Variants in COQ2 observed in about 807,000 individuals in gnomAD.
The protein encoded by COQ2 is coenzyme Q2, polyprenyltransferase.
COQ2 carries 25 observed loss-of-function variants against 35.7 expected under a neutral mutation model. That is an observed-to-expected ratio of 0.70 (90% CI 0.51 to 0.98). The LOEUF (loss-of-function observed/expected upper bound fraction) is 0.98, where lower values mean the gene tolerates loss of function less well. Among genes scored for constraint, COQ2 ranks in the 50% least tolerant of loss-of-function variants. The pLI, the probability that COQ2 is intolerant of heterozygous loss-of-function variation, is 0.00. For synonymous variants in COQ2, 206 were observed against 186.2 expected (o/e 1.11, Z -0.86); for missense variants, 488 against 473.5 (o/e 1.03, Z -0.28).
At chr4:83,283,302 C>G in intron 1 of COQ2, 1 of 985,424 alleles carries the variant, frequency 1.0e-6, no homozygotes, top group Non-Finnish European at 1.2e-6. Flanking sequence ...ATGTCATCAT[C>G]TAGATTGGCT....
intron 3 of COQ2, 115 bp downstream of exon 3, chr4:83,273,381 G>A: frequency 9.3e-7 from 1 of 1,072,836 alleles, no homozygotes; most frequent in Non-Finnish European, 1.3e-6. Flanking sequence ...CTAACTTACA[G>A]ATGCTTAATA....
intron 1 of COQ2, chr4:83,284,287 C>T: frequency 8.1e-6 from 8 of 985,300 alleles, no homozygotes; most frequent in South Asian, 4.7e-5. Flanking sequence ...AGGTGACTCG[C>T]CCCAGGGCGC....
intron 1 of COQ2, chr4:83,283,624 T>C (rs1735380128): frequency 1.0e-6 from 1 of 985,332 alleles, no homozygotes; most frequent in Non-Finnish European, 1.2e-6. Flanking sequence ...CATATTTTCC[T>C]AGCTCACCAA....
rs150559207 is a variant in COQ2, at chr4:83,270,067, G to C, written c.629-74C>G. 7.8e-6 allele frequency: 12 copies of C among 1,535,004 alleles called. No homozygotes were observed. The African/African-American group carries it at 1.7e-4, about 21-fold the overall frequency. ...AATCCTAAAGGGAAGGAGTGGCATC[G>C]GAGTGTGTTCAGTGCTCCTGGGTAT... On this transcript the variant is annotated intron_variant, in intron 4 of 6. Coordinates refer to ENST00000647002, the MANE Select transcript of COQ2 (RefSeq NM_001358921.2).
At chr4:83,284,847 A>G (rs767479455), upstream of COQ2, 5 of 1,550,738 alleles carry the variant, frequency 3.2e-6, no homozygotes, top group Admixed American at 1.9e-5. Flanking sequence ...ATGCAATCCT[A>G]GTCTGCCAGG....
chr4:83,266,824 T>C (rs1191812037), intron 6 of COQ2: 2 of 195,436 alleles, frequency 1.0e-5, no homozygotes, highest in Non-Finnish European at 2.2e-5. Flanking sequence ...AACTTTGACA[T>C]GTTCCGCATT....
chr4:83,275,189 G>C (rs1735138292), intron 2 of COQ2, among the ~76,000 whole-genome samples: 1 of 152,154 alleles, frequency 6.6e-6, no homozygotes, highest in African/African-American at 2.4e-5. Flanking sequence ...CACTCAAGTT[G>C]AGATTTTCCT....
Position 83,264,302 on chromosome 4 carries a change from G to A in COQ2, c.1013C>T (p.Thr338Ile). 1 of 1,612,336 alleles carries A rather than the reference G, an allele frequency of 6.2e-7. No homozygotes were observed. Among genetic ancestry groups the A allele is most frequent in the African/African-American group, 1.3e-5 (1 of 74,872 alleles). ...CCCTAAAAAAACTATTAGTCCCAGT[G>A]TTCGGTTGGAGATAAATTTATTCCA... ...DCWNKFISNR[T>I]LGLIVFLGIV... Residue 338 changes from threonine (T) to isoleucine (I), a missense_variant, in exon 7 of 7, where the codon ACA becomes ATA. Transcript: ENST00000647002.
chr4:83,270,546 C>T (rs1042582573), intron 4 of COQ2, among the ~76,000 whole-genome samples: 1 of 152,238 alleles, frequency 6.6e-6, no homozygotes, highest in African/African-American at 2.4e-5. Context: ...AGACTGCATA[C>T]TGAACAGTCT....
intron 5 of COQ2, 111 bp from the exon 6 acceptor site, chr4:83,267,885 G>A: frequency 3.5e-6 from 3 of 855,572 alleles, no homozygotes; most frequent in Non-Finnish European, 5.3e-6. Flanking sequence ...ACAAGGTTGT[G>A]CAACCAATTA....
chr4:83,276,426 C>T (rs1381554842), intron 2 of COQ2, among the ~76,000 whole-genome samples: 1 of 152,006 alleles, frequency 6.6e-6, no homozygotes, highest in Non-Finnish European at 1.5e-5. Context: ...ATTTTTGTTT[C>T]TGTTGTGTTT....
chr4:83,267,857 G>C, intron 5 of COQ2, 83 bp from the exon 6 acceptor site: 5 of 1,106,040 alleles, frequency 4.5e-6, no homozygotes, highest in South Asian at 1.6e-5. Flanking sequence ...ATCAGATTTA[G>C]TGTTTTTTTG....
intron 5 of COQ2, 22 bp from the exon 6 acceptor site, chr4:83,267,796 A>C (rs747030965): frequency 3.3e-6 from 5 of 1,518,778 alleles, no homozygotes; most frequent in Non-Finnish European, 4.4e-6. Flanking sequence ...AAGAAAAATA[A>C]ACTGTTTTTT....
At chr4:83,273,712 TATGA>T (rs775743612) in intron 2 of COQ2, 95 bp from the exon 3 acceptor site, 13 of 1,167,842 alleles carry the variant, frequency 1.1e-5, no homozygotes, top group Non-Finnish European at 1.5e-5. Flanking sequence ...TAGGCACAAA[TATGA>T]ATGAAGAGAG....
intron 1 of COQ2, among the ~76,000 whole-genome samples, chr4:83,281,791 G>A (rs930939158): frequency 2.0e-5 from 3 of 152,144 alleles, no homozygotes; most frequent in African/African-American, 7.2e-5. Context: ...CAGAGAGGGA[G>A]TAATTGTGCC....
intron 1 of COQ2, 137 bp downstream of exon 1, chr4:83,284,375 G>A: frequency 7.1e-7 from 1 of 1,406,646 alleles, no homozygotes; most frequent in Non-Finnish European, 9.2e-7. Flanking sequence ...CAGGGCGCAC[G>A]GCACCCGGCA....
At chr4:83,278,906 A>T (rs1735244845) in intron 2 of COQ2, 42 bp downstream of exon 2, 1 of 1,512,382 alleles carries the variant, frequency 6.6e-7, no homozygotes, top group Non-Finnish European at 8.9e-7. Context: ...TATTCTGCAG[A>T]ATTGAGAAGA....
chr4:83,278,828 G>T, intron 2 of COQ2, 120 bp downstream of exon 2: 3 of 1,116,522 alleles, frequency 2.7e-6, no homozygotes, highest in Non-Finnish European at 3.6e-6. Flanking sequence ...CATTTTCCAT[G>T]CTGGATTTCT....
intron 4 of COQ2, among the ~76,000 whole-genome samples, chr4:83,270,481 C>T (rs536298656): frequency 6.6e-6 from 1 of 152,320 alleles, no homozygotes; most frequent in African/African-American, 2.4e-5. Flanking sequence ...CAAACACCTA[C>T]ATGTTGACAG....
Sources: gnomAD v4.1 joint callset for allele counts (sites outside exome capture counted in the v4.1 genomes callset) on GRCh38, gnomAD v4.1.1 for gene constraint, MANE v1.5 for transcripts, NCBI Gene and HGNC (gene_info 2026-07-23, HGNC 2026-07-21) for gene names.